The following S1PR3 variants were observed in gnomAD, a reference collection of about 807,000 sequenced individuals.
The protein encoded by S1PR3 is sphingosine-1-phosphate receptor 3, also known as sphingosine 1-phosphate receptor 3.
Under a neutral mutation model 13.3 loss-of-function variants are expected in S1PR3, and 12 were observed. That is an observed-to-expected ratio of 0.90 (90% CI 0.58 to 1.46). The LOEUF (loss-of-function observed/expected upper bound fraction) is 1.46. Ranked by LOEUF, S1PR3 falls within the 40% of genes most tolerant of loss-of-function variation. The pLI, the probability that S1PR3 is intolerant of heterozygous loss-of-function variation, is 0.00. For missense variants in S1PR3, 450 were observed against 501.9 expected, an observed-to-expected ratio of 0.90 and a Z score of 0.99; for synonymous variants, 232 against 214.0, an observed-to-expected ratio of 1.08 and a Z score of -0.73.
At chr9:88,997,523 C>T (rs1825817116) in intron 1 of S1PR3, 1 of 152,182 alleles carries the variant, frequency 6.6e-6, no homozygotes, top group African/African-American at 2.4e-5. Context: ...AGGAGGCAAG[C>T]TGAGTTAGTA....
At chr9:88,999,995 G>GCAACACTA (rs1825848490) in intron 1 of S1PR3, 2 of 152,258 alleles carry the variant, frequency 1.3e-5, no homozygotes, top group African/African-American at 4.8e-5. Context: ...GAGCAACACT[G>GCAACACTA]TGTCTCAAAA....
At position 89,002,210 on chromosome 9, in the gene S1PR3, G is replaced by A. The variant is rs1283844482; in HGVS notation, c.1010G>A (p.Ser337Asn). 2 of 1,614,076 alleles carry A rather than the reference G, an allele frequency of 1.2e-6. No individual in the cohort carries two copies. Among genetic ancestry groups the A allele is most frequent in the South Asian group, 1.1e-5 (1 of 91,080 alleles). Residue 337 changes from serine to asparagine, a missense_variant, in exon 2 of 2, where the codon AGT becomes AAT. Ser to Asn is a conservative substitution (Grantham distance 46, BLOSUM62 1). Transcript: ENST00000358157. The stretch of plus-strand genomic sequence containing the variant: ...CAGCCTGCGCTCGACCCAAGCAGAA[G>A]TAAATCAAGCAGCAGCAACAATAGC... The part of the protein sequence containing the change: ...PIQPALDPSR[S>N]KSSSSNNSSH...
chr9:88,991,381 G>T, upstream of S1PR3: 3 of 1,217,048 alleles, frequency 2.5e-6, no homozygotes, highest in Non-Finnish European at 3.5e-6. The surrounding 1 kb of genome is among the most constrained non-coding windows in gnomAD (Gnocchi z 4.0). Flanking sequence ...GAGAGGGGCG[G>T]GAGTCGGGGG....
At position 88,991,503 on chromosome 9, in the gene S1PR3, A is replaced by G. The variant is rs1260879677; in HGVS notation, c.-340A>G. 6.5e-7 allele frequency: 1 copy of G among 1,547,848 alleles called. No individual in the cohort carries two copies. The highest frequency in any genetic ancestry group is 1.4e-5 in the African/African-American group (1 of 72,712). The stretch of plus-strand genomic sequence containing the variant: ...GAAGCCGGTTCCGGGGACGGGCAAC[A>G]GGGACTCAGGGACCAGAAGGCGGCT... On this transcript the variant is annotated 5_prime_UTR_variant, in exon 1 of 2. Coordinates refer to ENST00000358157, the MANE Select transcript of S1PR3 (RefSeq NM_005226.4). This position sits in a 1 kb window ranked among gnomAD's most constrained non-coding sequence, Gnocchi z 4.0.
rs746355071 is a variant in S1PR3 at position 89,001,708 on chromosome 9, G to A, written c.508G>A (p.Ala170Thr). ...CTGGCTCATTGCCTTCACGCTGGGC[G>A]CCCTGCCCATTCTGGGCTGGAACTG... ...MCWLIAFTLG[A>T]LPILGWNCLH... is the part of the protein sequence containing the mutation. Residue 170 changes from alanine to threonine, a missense_variant, in exon 2 of 2, where the codon GCC becomes ACC. By Grantham distance (58) the Ala-to-Thr change is moderately conservative. Transcript: ENST00000358157. 12 of 1,614,160 alleles carry A rather than the reference G, an allele frequency of 7.4e-6. No individual in the cohort carries two copies. In the South Asian group the frequency reaches 8.8e-5, roughly 12 times the overall value.
chr9:88,994,688 T>A (rs531427256), intron 1 of S1PR3: 1 of 166,944 alleles, frequency 6.0e-6, no homozygotes, highest in East Asian at 1.9e-4. Context: ...ACAGCCTCCA[T>A]ATCTGGGGTT....
At chr9:88,993,317 G>A (rs928146127) in intron 1 of S1PR3, 3 of 152,372 alleles carry the variant, frequency 2.0e-5, no homozygotes, top group African/African-American at 7.3e-5. Context: ...ATATACTGTA[G>A]GTATATTTTT....
In S1PR3 at chr9:89,001,213, C is replaced by A; in HGVS notation, c.13C>A (p.Leu5Ile). Residue 5 changes from leucine (L) to isoleucine (I), a missense_variant, in exon 2 of 2, where the codon CTC becomes ATC. By Grantham distance (5) the Leu-to-Ile change is conservative. Transcript: ENST00000358157. Reference sequence around the variant, plus strand: ...TGAATGCCAAGTGATGGCAACTGCCCTCCCGCCGCGTCTCCAGCCGGTGCG... The same window carrying A: ...TGAATGCCAAGTGATGGCAACTGCCATCCCGCCGCGTCTCCAGCCGGTGCG... Reference protein sequence around the residue: MATALPPRLQPVRGN... With the variant: MATAIPPRLQPVRGN... The A allele has an allele frequency of 6.2e-7, 1 of 1,612,640 alleles. No homozygotes were observed. The highest frequency in any genetic ancestry group is 8.5e-7 in the Non-Finnish European group (1 of 1,178,872).
chr9:88,992,095 T>C (rs1192613209), intron 1 of S1PR3: 4 of 1,516,152 alleles, frequency 2.6e-6, no homozygotes, highest in African/African-American at 1.4e-5. Context: ...CGCCGGAAAA[T>C]TAGTTTTTTC....
At position 89,002,039 on chromosome 9, in the gene S1PR3, C is replaced by A; in HGVS notation, c.839C>A (p.Ala280Asp). The A allele has an allele frequency of 3.1e-6, 5 of 1,614,108 alleles. No individual in the cohort carries two copies. The highest frequency in any genetic ancestry group is 3.4e-6 in the Non-Finnish European group (4 of 1,180,024). ...CAGGCGTGCCCCATCCTCTTCAAGGCTCAGTGGTTCATCGTGTTGGCTGTG... is the reference window on the plus strand; with the variant it reads ...CAGGCGTGCCCCATCCTCTTCAAGGATCAGTGGTTCATCGTGTTGGCTGTG... ...RVQACPILFK[A>D]QWFIVLAVLN... is the part of the protein sequence containing the mutation. The change falls in exon 2 of 2, where the codon GCT becomes GAT. Residue 280 changes from alanine to aspartate, a missense_variant. Ala to Asp is a moderately radical substitution (Grantham distance 126, BLOSUM62 -2). Transcript: ENST00000358157.
chr9:88,992,297 T>TCTTC (rs1285046791), intron 1 of S1PR3: 2 of 423,538 alleles, frequency 4.7e-6, no homozygotes, highest in Non-Finnish European at 8.5e-6. Context: ...TCTCTCTCTC[T>TCTTC]CTTCCTCTGA....
chr9:88,992,270 CAG>C (rs1271837970), intron 1 of S1PR3: 76 of 501,826 alleles, frequency 1.5e-4, no homozygotes, highest in African/African-American at 1.3e-3. Context: ...TCCCAATAGT[CAG>C]TCTCTCTCTC....
chr9:89,004,330 C>T lies in S1PR3; in HGVS notation c.*1993C>T, dbSNP rs1391438763. Reference sequence around the variant, plus strand: ...TGGAGAGTTGCTCAAACCCGGGAGGCGGAGATTGCAGTGAGCCAAGATCGC... The same window carrying T: ...TGGAGAGTTGCTCAAACCCGGGAGGTGGAGATTGCAGTGAGCCAAGATCGC... On this transcript the variant is annotated 3_prime_UTR_variant, in exon 2 of 2. Transcript: ENST00000358157. 3.3e-5 allele frequency: 5 copies of T among 152,618 alleles called. No homozygotes were observed. The highest frequency in any genetic ancestry group is 1.2e-4 in the African/African-American group (5 of 41,416). The allele number at this position is 152,618 out of a possible 1,614,324, so 9.5% of individuals were successfully genotyped here.
rs926681123 is a variant in S1PR3, at chr9:89,003,333, T to C, written c.*996T>C. 3.6e-5 allele frequency: 6 copies of C among 167,144 alleles called. No homozygotes were observed. Among genetic ancestry groups the C allele is most frequent in the African/African-American group, 1.4e-4 (6 of 41,478 alleles). 10.4% of individuals were successfully genotyped at this position (167,144 alleles called of 1,614,324 possible). On this transcript the variant is annotated 3_prime_UTR_variant, in exon 2 of 2. Transcript: ENST00000358157. Reference sequence around the variant, plus strand: ...GTTTCTATATTAGAAAAGCAGCAAGTCAGTAATCCCCCGTGGCATCACAGC... The same window carrying C: ...GTTTCTATATTAGAAAAGCAGCAAGCCAGTAATCCCCCGTGGCATCACAGC...
chr9:88,992,159 G>C, intron 1 of S1PR3: 1 of 857,836 alleles, frequency 1.2e-6, no homozygotes, highest in East Asian at 2.7e-5. Flanking sequence ...GCTGGAAGAC[G>C]AAGTCCCCAC....
chr9:89,002,296 G>T lies in S1PR3; in HGVS notation c.1096G>T (p.Asp366Tyr), dbSNP rs766651276. Reference sequence around the variant, plus strand: ...CACAGCCCCCTCATCCTGCATCATGGACAAGAACGCAGCACTTCAGAATGG... The same window carrying T: ...CACAGCCCCCTCATCCTGCATCATGTACAAGAACGCAGCACTTCAGAATGG... ...PHTAPSSCIM[D>Y]KNAALQNGIF... Residue 366 changes from aspartate to tyrosine, a missense_variant, in exon 2 of 2, where the codon GAC (aspartate) becomes TAC (tyrosine). Coordinates refer to ENST00000358157, the MANE Select transcript of S1PR3 (RefSeq NM_005226.4). The T allele has an allele frequency of 6.2e-7, 1 of 1,614,126 alleles. No homozygotes were observed. Among genetic ancestry groups the T allele is most frequent in the South Asian group, 1.1e-5 (1 of 91,076 alleles).
chr9:88,991,791 C>T lies in S1PR3; in HGVS notation c.-148+96C>T. On this transcript the variant is annotated intron_variant, in intron 1 of 1. Coordinates refer to ENST00000358157, the MANE Select transcript of S1PR3 (RefSeq NM_005226.4). The surrounding 1 kb of genome is among the most constrained non-coding windows in gnomAD (Gnocchi z 4.0). The stretch of plus-strand genomic sequence containing the variant: ...ACAAAATCCCCACCGATCCCGGGCG[C>T]GACGGGGACTTGGGCGCGCCACGGC... 1 of 1,597,260 alleles carries T rather than the reference C, an allele frequency of 6.3e-7. No individual in the cohort carries two copies. Among genetic ancestry groups the T allele is most frequent in the Non-Finnish European group, 8.5e-7 (1 of 1,171,348 alleles).
Position 89,001,205 on chromosome 9 carries a change from C to T in S1PR3, c.5C>T (p.Ala2Val). 6.2e-7 allele frequency: 1 copy of T among 1,612,050 alleles called. No individual in the cohort carries two copies. The highest frequency in any genetic ancestry group is 8.5e-7 in the Non-Finnish European group (1 of 1,178,568). Residue 2 changes from alanine to valine, a missense_variant, in exon 2 of 2, where the codon GCA (alanine) becomes GTA (valine). By Grantham distance (64) the Ala-to-Val change is moderately conservative (BLOSUM62 0). Coordinates refer to ENST00000358157, the MANE Select transcript of S1PR3 (RefSeq NM_005226.4). ...ATCGTCTGTGAATGCCAAGTGATGG[C>T]AACTGCCCTCCCGCCGCGTCTCCAG... Reference protein sequence around the residue: MATALPPRLQPV... With the variant: MVTALPPRLQPV...
rs1451658254 is a variant in S1PR3, at chr9:89,003,846, C to T, written c.*1509C>T. 6.0e-6 allele frequency: 1 copy of T among 166,644 alleles called. No individual in the cohort carries two copies. The highest frequency in any genetic ancestry group is 1.5e-5 in the Non-Finnish European group (1 of 68,104). The allele number at this position is 166,644 out of a possible 1,614,324, so 10.3% of individuals were successfully genotyped here. ...AACTTTTTCTAAGAGAAATTGATTC[C>T]TGTTTTGTCATCTGATGCAATTTGC... On this transcript the variant is annotated 3_prime_UTR_variant, in exon 2 of 2. Transcript: ENST00000358157.
Sources: gnomAD v4.1 joint callset for allele counts on GRCh38, gnomAD v4.1.1 for gene constraint, Gnocchi (gnomAD v3.1) non-coding constraint, MANE v1.5 for transcripts, NCBI Gene and HGNC (gene_info 2026-07-23, HGNC 2026-07-21) for gene names.